Variants in UNK observed in about 807,000 individuals in gnomAD.
The protein encoded by UNK is RING finger protein unkempt homolog.
In UNK, 32 loss-of-function variants were observed where a neutral mutation model predicts 97.6. That is an observed-to-expected ratio of 0.33 (90% confidence interval 0.25 to 0.44). UNK has a LOEUF of 0.44. Ranked by LOEUF, UNK falls within the 20% of genes least tolerant of loss-of-function variation. UNK has a pLI of 1.00. For synonymous variants in UNK, 441 were observed against 461.2 expected (o/e 0.96, Z 0.56); for missense variants, 771 against 1,098.4 (o/e 0.70, Z 4.21).
chr17:75,794,194 G>A, intron 1 of UNK: 2 of 965,968 alleles, frequency 2.1e-6, no homozygotes, highest in Non-Finnish European at 2.5e-6. Context: ...GCATGCTAAA[G>A]TGAACATTTC....
chr17:75,787,067 A>G (rs1419902497), intron 1 of UNK, among the ~76,000 whole-genome samples: 1 of 152,194 alleles, frequency 6.6e-6, no homozygotes, highest in African/African-American at 2.4e-5. Context: ...AAAATCAGAG[A>G]TAGAAATCAG....
At position 75,807,575 on chromosome 17, in the gene UNK, C is replaced by T. The variant is rs2061930517; in HGVS notation, c.105-2185C>T. 1.3e-5 allele frequency among the ~76,000 whole-genome samples: 2 copies of T among 152,204 alleles called. 1 individual carries two copies. The highest frequency in any genetic ancestry group is 4.1e-4 in the South Asian group (2 of 4,832). ...GGTTCAGGTACTTCTACCTCAGCCTCCTGAGTAGCTGGGACTACAGGCACA... is the reference window on the plus strand; with the variant it reads ...GGTTCAGGTACTTCTACCTCAGCCTTCTGAGTAGCTGGGACTACAGGCACA... On this transcript the variant is annotated intron_variant, in intron 1 of 15. Transcript: ENST00000589666.
chr17:75,823,911 G>C (rs1225009232), intron 15 of UNK, among the ~76,000 whole-genome samples: 1 of 152,194 alleles, frequency 6.6e-6, no homozygotes, highest in Non-Finnish European at 1.5e-5. Flanking sequence ...AACGTGGCAT[G>C]GTGGGAAGAG....
At chr17:75,812,828 T>C (rs2061982491) in intron 4 of UNK, among the ~76,000 whole-genome samples, 2 of 152,274 alleles carry the variant, frequency 1.3e-5, no homozygotes, top group South Asian at 4.1e-4. Context: ...ATGCAAATGT[T>C]TTCCGCCCTG....
At chr17:75,795,560 A>G (rs986161061) in intron 1 of UNK, among the ~76,000 whole-genome samples, 23 of 152,150 alleles carry the variant, frequency 1.5e-4, no homozygotes, top group African/African-American at 5.5e-4. Context: ...GGCTGGTCTC[A>G]TACTCCTGAC....
intron 1 of UNK, chr17:75,793,692 T>A: frequency 1.0e-6 from 1 of 985,456 alleles, no homozygotes; most frequent in South Asian, 4.7e-5. Context: ...GCTTTTCATG[T>A]GCATAAGTTG....
Position 75,787,815 on chromosome 17 carries a change from ACT to A in UNK, c.104+2833_104+2834del, listed in dbSNP as rs1273954810. On this transcript the variant is annotated intron_variant, in intron 1 of 15. Transcript: ENST00000589666. The stretch of plus-strand genomic sequence containing the variant: ...ACTCCAACCTGGGTGACAGAGTGAG[ACT>A]CGGTCCAAAAAAAAAAAAAAAGAGA... Among the ~76,000 whole-genome samples, 18 of 148,116 alleles carry A rather than the reference ACT, an allele frequency of 1.2e-4. No homozygotes were observed. The Admixed American group carries it at 1.2e-3, about 10-fold the overall frequency.
intron 1 of UNK, among the ~76,000 whole-genome samples, chr17:75,800,908 T>C (rs888845677): frequency 2.3e-4 from 35 of 150,868 alleles, no homozygotes; most frequent in African/African-American, 7.8e-4. Flanking sequence ...CATACCACAT[T>C]TTTTGTTTTT....
At chr17:75,795,321 TTTGTTGTTGTTG>T (rs542714810) in intron 1 of UNK, among the ~76,000 whole-genome samples, 1 of 151,736 alleles carries the variant, frequency 6.6e-6, no homozygotes, top group Admixed American at 6.6e-5. Flanking sequence ...TTGTGGGCTT[TTTGTTGTTGTTG>T]TTGTTGTTGT....
chr17:75,802,258 T>C (rs2061867791), intron 1 of UNK, among the ~76,000 whole-genome samples: 1 of 116,642 alleles, frequency 8.6e-6, no homozygotes, highest in Non-Finnish European at 1.8e-5. Context: ...TTTTTTTTTT[T>C]TTTTTTTTTT....
chr17:75,822,602 G>T lies in UNK; in HGVS notation c.1963G>T (p.Asp655Tyr). Reference protein sequence around the residue: ...AELARLRQELDEANSTIKQWE... With the variant: ...AELARLRQELYEANSTIKQWE... Reference sequence around the variant, plus strand: ...GCTGGCCCGACTTCGGCAAGAGCTGGATGAAGCCAACAGCACCATCAAGCA... The same window carrying T: ...GCTGGCCCGACTTCGGCAAGAGCTGTATGAAGCCAACAGCACCATCAAGCA... Residue 655 changes from aspartate (D) to tyrosine (Y), a missense_variant, in exon 14 of 16, where the codon GAT becomes TAT. By Grantham distance (160) the Asp-to-Tyr change is radical. Coordinates refer to ENST00000589666, the MANE Select transcript of UNK (RefSeq NM_001080419.3). 1 of 1,613,302 alleles carries T rather than the reference G, an allele frequency of 6.2e-7. No individual in the cohort carries two copies. Among genetic ancestry groups the T allele is most frequent in the Non-Finnish European group, 8.5e-7 (1 of 1,179,776 alleles).
chr17:75,821,668 A>G (rs1440905727), intron 13 of UNK: 1 of 456,670 alleles, frequency 2.2e-6, no homozygotes, highest in Non-Finnish European at 4.4e-6. Context: ...TGGGAAAGGG[A>G]GCAAGGAAGA....
At chr17:75,811,195 C>T (rs925195933) in intron 2 of UNK, among the ~76,000 whole-genome samples, 22 of 152,310 alleles carry the variant, frequency 1.4e-4, no homozygotes, top group Admixed American at 1.1e-3. Flanking sequence ...AGGTGATCCA[C>T]CCGCCTCGGC....
chr17:75,784,859 G>T lies in UNK; in HGVS notation c.-22G>T. On this transcript the variant is annotated 5_prime_UTR_variant, in exon 1 of 16. Transcript: ENST00000589666. ...GACTGAATAATAAAAGGGGAGCGGC[G>T]AAGAGGCAGGAAGACAAGACCATGT... 6.2e-7 allele frequency: 1 copy of T among 1,601,338 alleles called. No individual in the cohort carries two copies. Among genetic ancestry groups the T allele is most frequent in the Admixed American group, 1.7e-5 (1 of 57,694 alleles).
At chr17:75,810,086 C>A in intron 2 of UNK, 117 bp downstream of exon 2, 1 of 1,289,478 alleles carries the variant, frequency 7.8e-7, no homozygotes, top group Non-Finnish European at 1.1e-6. Context: ...CAGCCCAGCC[C>A]ATGGCCCGAG....
chr17:75,792,196 A>G (rs2143681221), intron 1 of UNK: 5 of 886,968 alleles, frequency 5.6e-6, no homozygotes, highest in African/African-American at 1.8e-5. Flanking sequence ...GTAAGGTTGC[A>G]TTTAAAGCTG....
At chr17:75,820,282 G>A (rs998363800) in intron 13 of UNK, among the ~76,000 whole-genome samples, 174 bp downstream of exon 13, 3 of 152,224 alleles carry the variant, frequency 2.0e-5, no homozygotes, top group African/African-American at 7.2e-5. Context: ...AAGTGATTGA[G>A]CCTCTCTGCC....
intron 1 of UNK, chr17:75,793,920 A>C (rs1448834266): frequency 1.0e-6 from 1 of 985,320 alleles, no homozygotes. Context: ...AGAAGTTTTA[A>C]GTAGTCGTTC....
intron 1 of UNK, among the ~76,000 whole-genome samples, chr17:75,809,288 T>C (rs2061946985): frequency 1.3e-5 from 2 of 152,180 alleles, no homozygotes. Context: ...TAAGTGCTTA[T>C]CTGTAGATTT....
Sources: gnomAD v4.1 joint callset for allele counts (sites outside exome capture counted in the v4.1 genomes callset) on GRCh38, gnomAD v4.1.1 for gene constraint, MANE v1.5 for transcripts, NCBI Gene and HGNC (gene_info 2026-07-23, HGNC 2026-07-21) for gene names.